ACAP3: variants seen among roughly 807,000 people sequenced by gnomAD.
ACAP3 encodes ArfGAP with coiled-coil, ankyrin repeat and PH domains 3.
Under a neutral mutation model 104.1 loss-of-function variants are expected in ACAP3, and 56 were observed. The ratio of observed to expected loss-of-function variants is 0.54; its 90% CI spans 0.43 to 0.67. The LOEUF (loss-of-function observed/expected upper bound fraction) is 0.67, where lower values mean the gene tolerates loss of function less well. Ranked by LOEUF, ACAP3 falls within the 30% of genes least tolerant of loss-of-function variation. ACAP3 has a pLI of 0.00. For missense variants in ACAP3, 1,208 were observed against 1,174.9 expected (o/e 1.03, Z -0.41); for synonymous variants, 628 against 496.2 (o/e 1.27, Z -3.53).
Position 1,296,069 on chromosome 1 carries a change from T to C in ACAP3, c.1448A>G (p.Tyr483Cys), listed in dbSNP as rs1641129848. 6.2e-7 allele frequency: 1 copy of C among 1,612,734 alleles called. No homozygotes were observed. Among genetic ancestry groups the C allele is most frequent in the East Asian group, 2.2e-5 (1 of 44,878 alleles). ...ELGNSAVNQIYEAQCEGAGSR... is the reference protein window; with the variant it reads ...ELGNSAVNQICEAQCEGAGSR... ...GCCTGCACCCTCACACTGGGCCTCATAGATCTGATTCACAGCGCTGTTTCC... is the reference window on the plus strand; with the variant it reads ...GCCTGCACCCTCACACTGGGCCTCACAGATCTGATTCACAGCGCTGTTTCC... Residue 483 changes from tyrosine (Y) to cysteine (C), a missense_variant, in exon 17 of 24, where the codon TAT becomes TGT. Tyr to Cys is a radical substitution (Grantham distance 194, BLOSUM62 -2). Transcript: ENST00000354700.
At chr1:1,305,770 G>A (rs535195941) in intron 1 of ACAP3, 1 of 152,416 alleles carries the variant, frequency 6.6e-6, no homozygotes, top group Non-Finnish European at 1.5e-5. Flanking sequence ...GCCCCACCCA[G>A]GGGAGGGGCA....
Position 1,294,459 on chromosome 1 carries a change from G to C in ACAP3, c.2082C>G (p.Val694=). The change falls in exon 21 of 24, where the codon GTC becomes GTG. Residue 694 remains valine (V), a synonymous_variant. Transcript: ENST00000354700. ...LAAALAHGAE[V]NWADAEDEGK... is the part of the protein sequence containing the mutation. ...CCTCATCCTCCGCGTCCGCCCAGTT[G>C]ACCTCGGCCCCGTGGGCCAGCGCCG... is the stretch of plus-strand genomic sequence containing the variant. The C allele has an allele frequency of 6.4e-7, 1 of 1,568,896 alleles. No homozygotes were observed. The highest frequency in any genetic ancestry group is 8.6e-7 in the Non-Finnish European group (1 of 1,163,874).
At chr1:1,298,893 C>G (rs1010765192) in intron 10 of ACAP3, 3 of 579,922 alleles carry the variant, frequency 5.2e-6, no homozygotes, top group South Asian at 2.1e-5. Context: ...AGACCCCTCA[C>G]GTTCACAGCT....
At position 1,296,417 on chromosome 1, in the gene ACAP3, G is replaced by A. The variant is rs1268468923; in HGVS notation, c.1337+8C>T. ...CCCCCACCCCCAGCCTGGCCCTCAG[G>A]GGCCCACCTGTGGATGCCGGAGCAC... On this transcript the variant is annotated splice_region_variant and intron_variant, in intron 15 of 23. Transcript: ENST00000354700. 2 of 1,545,386 alleles carry A rather than the reference G, an allele frequency of 1.3e-6. No individual in the cohort carries two copies. Among genetic ancestry groups the A allele is most frequent in the Non-Finnish European group, 1.7e-6 (2 of 1,145,882 alleles).
chr1:1,293,738 T>TGCCCTGGAGGCCCCGCCCCG, intron 23 of ACAP3, 30 bp from the exon 24 acceptor site: 1 of 1,448,464 alleles, frequency 6.9e-7, no homozygotes, highest in East Asian at 2.9e-5. Context: ...GAGACGCCCC[T>TGCCCTGGAGGCCCCGCCCCG]GCCCTGGAGG....
Position 1,299,906 on chromosome 1 carries a change from C to A in ACAP3, c.664-1G>T. 2 of 1,585,504 alleles carry A rather than the reference C, an allele frequency of 1.3e-6. No individual in the cohort carries two copies. Among genetic ancestry groups the A allele is most frequent in the South Asian group, 1.1e-5 (1 of 88,758 alleles). Reference sequence around the variant, plus strand: ...CAGAGTCGATCACCAGCTGGTCCAGCTGTTGGGGGTGGCATTAGGGAAGGT... The same window carrying A: ...CAGAGTCGATCACCAGCTGGTCCAGATGTTGGGGGTGGCATTAGGGAAGGT... On this transcript the variant is annotated splice_acceptor_variant, in intron 8 of 23. Coordinates refer to ENST00000354700, the MANE Select transcript of ACAP3 (RefSeq NM_030649.3). LOFTEE classifies it high-confidence loss of function.
At position 1,294,779 on chromosome 1, in the gene ACAP3, A is replaced by AGCTGCCC; in HGVS notation, c.1850_1851insGGGCAGC (p.Asp617GlufsTer22). 1 of 1,549,748 alleles carries AGCTGCCC rather than the reference A, an allele frequency of 6.5e-7. No homozygotes were observed. The highest frequency in any genetic ancestry group is 8.7e-7 in the Non-Finnish European group (1 of 1,146,606). On this transcript the variant is annotated frameshift_variant, in exon 20 of 24. Transcript: ENST00000354700. LOFTEE classifies it high-confidence loss of function. ...CGAAAGCCAGGACGTCCGAGCTGCC[A>AGCTGCCC]TCCGAGCTGCCCCCAAGGCCACTGT...
chr1:1,300,247 G>A (rs1180319604), intron 6 of ACAP3, 45 bp from the exon 7 acceptor site: 4 of 1,557,310 alleles, frequency 2.6e-6, no homozygotes, highest in Non-Finnish European at 1.7e-6. Context: ...GGCTGAGGCA[G>A]CCCCAAGCCC....
Position 1,294,830 on chromosome 1 carries a change from G to A in ACAP3, c.1814-14C>T, listed in dbSNP as rs763865321. The A allele has an allele frequency of 6.5e-6, 10 of 1,549,338 alleles. 1 individual carries two copies. The South Asian group carries it at 1.1e-4, about 17-fold the overall frequency. ...CGCTACTCAGACCTGCAGGTCCGCA[G>A]GGAAGGGGGTCCTGAGGGTGGGAGG... On this transcript the variant is annotated splice_polypyrimidine_tract_variant and intron_variant, in intron 19 of 23. Transcript: ENST00000354700.
intron 10 of ACAP3, 53 bp downstream of exon 10, chr1:1,299,292 C>T (rs2100445191): frequency 6.3e-7 from 1 of 1,580,284 alleles, no homozygotes; most frequent in Non-Finnish European, 8.6e-7. Flanking sequence ...AAAGGCACCG[C>T]CCCATCTGGT....
intron 4 of ACAP3, 129 bp from the exon 5 acceptor site, chr1:1,302,175 G>C: frequency 1.2e-6 from 1 of 802,994 alleles, no homozygotes; most frequent in Non-Finnish European, 1.8e-6. Context: ...ACCCTGCAGG[G>C]CTGGCCTCAA....
At chr1:1,294,223 C>T in intron 21 of ACAP3, 24 bp from the exon 22 acceptor site, 1 of 1,557,896 alleles carries the variant, frequency 6.4e-7, no homozygotes, top group East Asian at 2.4e-5. Context: ...GCAACTCAGA[C>T]GGAGCCACGG....
chr1:1,296,103 A>G lies in ACAP3; in HGVS notation c.1414T>C (p.Cys472Arg). 1 of 1,612,674 alleles carries G rather than the reference A, an allele frequency of 6.2e-7. No individual in the cohort carries two copies. The highest frequency in any genetic ancestry group is 8.5e-7 in the Non-Finnish European group (1 of 1,179,944). The change falls in exon 17 of 24, where the codon TGT becomes CGT. Residue 472 changes from cysteine (C) to arginine (R), a missense_variant. Cys to Arg is a radical substitution (Grantham distance 180). Transcript: ENST00000354700. ...SWEPELLKLM[C>R]ELGNSAVNQI... ...TTCACAGCGCTGTTTCCAAGCTCAC[A>G]CATCAGCTAGCGGGAGACAGGGCGA...
Position 1,296,102 on chromosome 1 carries a change from C to T in ACAP3, c.1415G>A (p.Cys472Tyr), listed in dbSNP as rs1641131469. The T allele has an allele frequency of 1.2e-6, 2 of 1,612,658 alleles. No homozygotes were observed. The highest frequency in any genetic ancestry group is 1.7e-6 in the Non-Finnish European group (2 of 1,179,972). ...ATTCACAGCGCTGTTTCCAAGCTCA[C>T]ACATCAGCTAGCGGGAGACAGGGCG... ...SWEPELLKLMCELGNSAVNQI... is the reference protein window; with the variant it reads ...SWEPELLKLMYELGNSAVNQI... Residue 472 changes from cysteine (C) to tyrosine (Y), a missense_variant, in exon 17 of 24, where the codon TGT becomes TAT. Coordinates refer to ENST00000354700, the MANE Select transcript of ACAP3 (RefSeq NM_030649.3).
chr1:1,298,957 G>T, intron 10 of ACAP3: 4 of 548,440 alleles, frequency 7.3e-6, no homozygotes, highest in Non-Finnish European at 1.3e-5. Context: ...AGCAGGCTGC[G>T]ATCAGGAAGG....
chr1:1,293,935 T>C lies in ACAP3; in HGVS notation c.2250-2A>G. ...CGCTTCAGGAACAGGCAAACCTGGC[T>C]GAGGGGCGAGGTCGGAGGGGCGTGT... On this transcript the variant is annotated splice_acceptor_variant, in intron 22 of 23. Coordinates refer to ENST00000354700, the MANE Select transcript of ACAP3 (RefSeq NM_030649.3). LOFTEE classifies it high-confidence loss of function. 1 of 1,558,576 alleles carries C rather than the reference T, an allele frequency of 6.4e-7. No homozygotes were observed. The highest frequency in any genetic ancestry group is 8.7e-7 in the Non-Finnish European group (1 of 1,154,256).
chr1:1,292,791 G>A lies in ACAP3; in HGVS notation c.*773C>T, dbSNP rs6696249. The A allele has an allele frequency of 1.3e-5, 2 of 152,356 alleles. No individual in the cohort carries two copies. Among genetic ancestry groups the A allele is most frequent in the African/African-American group, 4.8e-5 (2 of 41,468 alleles). 9.4% of individuals were successfully genotyped at this position (152,356 alleles called of 1,614,324 possible). On this transcript the variant is annotated 3_prime_UTR_variant, in exon 24 of 24. Transcript: ENST00000354700. Reference sequence around the variant, plus strand: ...GCTCAGGCGTCCTCAAGAGTCCACAGAGAAAAGACGCAAGACAAAGTCAGA... The same window carrying A: ...GCTCAGGCGTCCTCAAGAGTCCACAAAGAAAAGACGCAAGACAAAGTCAGA...
chr1:1,301,882 T>G, intron 5 of ACAP3, 106 bp downstream of exon 5: 2 of 1,127,050 alleles, frequency 1.8e-6, no homozygotes, highest in Non-Finnish European at 2.4e-6. Flanking sequence ...CTGCACAGCC[T>G]GGAGGCCTGG....
In ACAP3 at chr1:1,303,992, G is replaced by T; in HGVS notation, c.105+94C>A. The T allele has an allele frequency of 7.0e-7, 1 of 1,432,664 alleles. No individual in the cohort carries two copies. The highest frequency in any genetic ancestry group is 9.6e-7 in the Non-Finnish European group (1 of 1,046,922). The allele number at this position is 1,432,664 out of a possible 1,614,324, so 88.7% of individuals were successfully genotyped here. ...CACACGCATGCTCCACATATGGGGG[G>T]TGTAAGTGGCTTAGTAAGGCCTGGA... On this transcript the variant is annotated intron_variant, in intron 2 of 23. Coordinates refer to ENST00000354700, the MANE Select transcript of ACAP3 (RefSeq NM_030649.3). The surrounding 1 kb of genome is among the most constrained non-coding windows in gnomAD (Gnocchi z 4.0).
Sources: allele counts gnomAD v4.1 joint callset, GRCh38; gene constraint gnomAD v4.1.1; non-coding constraint Gnocchi (gnomAD v3.1); transcripts MANE v1.5; gene names NCBI Gene and HGNC (gene_info 2026-07-23, HGNC 2026-07-21).